The following EYS variants were observed in gnomAD, a reference collection of about 807,000 sequenced individuals.
EYS encodes EGF-like photoreceptor maintenance factor, also known as protein eyes shut homolog.
EYS carries 250 observed loss-of-function variants against 282.1 expected under a neutral mutation model. The ratio of observed to expected loss-of-function variants is 0.89; its 90% confidence interval spans 0.80 to 0.98. EYS has a LOEUF of 0.98. EYS is among the 50% of genes least tolerant of loss of function. The pLI is 0.00. For synonymous variants in EYS, 1,355 were observed against 1,282.9 expected (o/e 1.06, Z -1.20); for missense variants, 4,016 against 3,709.0 (o/e 1.08, Z -2.15).
At chr6:64,379,718 C>T (rs572400835) in intron 29 of EYS, 4 of 151,978 alleles carry the variant, frequency 2.6e-5, no homozygotes, top group Non-Finnish European at 2.9e-5. Context: ...CTTAGGTGAG[C>T]GGAACACAAT....
intron 32 of EYS, among the ~76,000 whole-genome samples, chr6:64,074,427 ATTAG>A (rs1771695015): frequency 6.6e-6 from 1 of 151,444 alleles, no homozygotes; most frequent in South Asian, 2.1e-4. Context: ...TTGCTTAGAT[ATTAG>A]TTTAATTGTA....
At chr6:65,301,560 C>A (rs527393114) in intron 11 of EYS, among the ~76,000 whole-genome samples, 1 of 152,180 alleles carries the variant, frequency 6.6e-6, no homozygotes, top group Non-Finnish European at 1.5e-5. Flanking sequence ...TGGCAGCAAG[C>A]GGGAGTCGGG....
chr6:65,163,933 C>T (rs1764909340), intron 12 of EYS, among the ~76,000 whole-genome samples: 1 of 151,194 alleles, frequency 6.6e-6, no homozygotes, highest in Admixed American at 6.6e-5. Context: ...TTAGCTGGCA[C>T]TCTGCACAAG....
chr6:64,244,915 T>C (rs1456628277), intron 30 of EYS, among the ~76,000 whole-genome samples: 1 of 152,178 alleles, frequency 6.6e-6, no homozygotes, highest in African/African-American at 2.4e-5. Context: ...GCCATGTTGG[T>C]GTGCTGCACC....
chr6:64,555,151 T>C (rs927331901), intron 26 of EYS, among the ~76,000 whole-genome samples: 2 of 151,882 alleles, frequency 1.3e-5, no homozygotes, highest in Non-Finnish European at 3.0e-5. Context: ...GGATAAACAG[T>C]CATATAAATA....
intron 22 of EYS, among the ~76,000 whole-genome samples, chr6:64,682,928 T>C (rs1769952521): frequency 6.6e-6 from 1 of 152,210 alleles, no homozygotes. Flanking sequence ...CCCATATGGA[T>C]TCACAGCCAG....
intron 30 of EYS, among the ~76,000 whole-genome samples, chr6:64,278,149 C>T (rs1768177207): frequency 6.6e-6 from 1 of 152,050 alleles, no homozygotes; most frequent in African/African-American, 2.4e-5. Flanking sequence ...ATAGTAAATT[C>T]CACTATCTCA....
chr6:65,088,949 A>C (rs899333331), intron 12 of EYS, among the ~76,000 whole-genome samples: 7 of 152,168 alleles, frequency 4.6e-5, no homozygotes, highest in African/African-American at 1.7e-4. Context: ...GGTGCAGGCC[A>C]CAGGCTTTGG....
intron 5 of EYS, among the ~76,000 whole-genome samples, chr6:65,488,767 A>T (rs182808587): frequency 6.6e-6 from 1 of 152,270 alleles, no homozygotes; most frequent in Non-Finnish European, 1.5e-5. Flanking sequence ...TGGTACTGGT[A>T]CCAAAACAGA....
chr6:65,214,307 T>C (rs1339621685), intron 12 of EYS, among the ~76,000 whole-genome samples: 2 of 151,374 alleles, frequency 1.3e-5, no homozygotes, highest in Non-Finnish European at 1.5e-5. Context: ...ATACAAGGAA[T>C]GATAAGATAG....
At chr6:64,807,234 T>A (rs1405997089) in intron 22 of EYS, among the ~76,000 whole-genome samples, 1 of 149,960 alleles carries the variant, frequency 6.7e-6, no homozygotes, top group African/African-American at 2.5e-5. Context: ...TTACCATATA[T>A]TTTTTTCTTT....
At chr6:65,333,282 A>C (rs1050171287) in intron 11 of EYS, among the ~76,000 whole-genome samples, 2 of 151,566 alleles carry the variant, frequency 1.3e-5, no homozygotes, top group African/African-American at 4.8e-5. Context: ...TTGCAATTTC[A>C]CTTTGATTCA....
chr6:63,999,309 T>C, intron 33 of EYS, 126 bp from the exon 34 acceptor site: 1 of 700,934 alleles, frequency 1.4e-6, no homozygotes, highest in South Asian at 1.5e-5. Flanking sequence ...AATCCTGAAA[T>C]ATGGACCCAG....
chr6:65,086,696 C>T (rs566243510), intron 12 of EYS, among the ~76,000 whole-genome samples: 1 of 152,102 alleles, frequency 6.6e-6, no homozygotes, highest in African/African-American at 2.4e-5. Context: ...AAAGGTCTGT[C>T]TGCATTATGT....
chr6:65,568,894 G>A (rs1764377354), intron 2 of EYS, among the ~76,000 whole-genome samples: 1 of 152,176 alleles, frequency 6.6e-6, no homozygotes, highest in South Asian at 2.1e-4. Context: ...CAGTGAAAGT[G>A]ATCTGACCTG....
intron 26 of EYS, among the ~76,000 whole-genome samples, chr6:64,505,573 C>G (rs1310243962): frequency 2.0e-5 from 3 of 152,110 alleles, no homozygotes; most frequent in African/African-American, 7.2e-5. Context: ...ACGGCAATGG[C>G]AAAATGCATT....
At chr6:64,023,319 A>G (rs1036156112) in intron 33 of EYS, among the ~76,000 whole-genome samples, 2 of 152,244 alleles carry the variant, frequency 1.3e-5, no homozygotes, top group Non-Finnish European at 2.9e-5. Context: ...ACATATAAGT[A>G]TCTGTTTGAA....
At chr6:63,898,615 T>C (rs1289871268) in intron 35 of EYS, among the ~76,000 whole-genome samples, 1 of 152,166 alleles carries the variant, frequency 6.6e-6, no homozygotes, top group African/African-American at 2.4e-5. Context: ...AAATTCTTGA[T>C]AGTGTTTATT....
intron 24 of EYS, among the ~76,000 whole-genome samples, chr6:64,605,805 C>A (rs1325599387): frequency 6.6e-6 from 1 of 151,798 alleles, no homozygotes; most frequent in Non-Finnish European, 1.5e-5. Flanking sequence ...CGTGGGTCAT[C>A]GATGTGAGGA....
Sources: gnomAD v4.1 joint callset for allele counts (sites outside exome capture counted in the v4.1 genomes callset) on GRCh38, gnomAD v4.1.1 for gene constraint, MANE v1.5 for transcripts, NCBI Gene and HGNC (gene_info 2026-07-23, HGNC 2026-07-21) for gene names.